Variants in TTYH3 observed in about 807,000 individuals in gnomAD.
TTYH3 encodes tweety family member 3.
Under a neutral mutation model 68.2 loss-of-function variants are expected in TTYH3, and 23 were observed. The observed-to-expected ratio is 0.34, with a 90% confidence interval of 0.24 to 0.48. The LOEUF (loss-of-function observed/expected upper bound fraction) is 0.48. TTYH3 is among the 20% of genes least tolerant of loss of function. The pLI is 0.99. For missense variants in TTYH3, 768 were observed against 727.7 expected, an observed-to-expected ratio of 1.06 and a Z score of -0.64; for synonymous variants, 360 against 332.8, an observed-to-expected ratio of 1.08 and a Z score of -0.89.
rs11546977 is a variant in TTYH3 at position 2,662,648 on chromosome 7, C to T, written c.*909C>T. On this transcript the variant is annotated 3_prime_UTR_variant, in exon 14 of 14. Coordinates refer to ENST00000258796, the MANE Select transcript of TTYH3 (RefSeq NM_025250.3). ...TTTCCATCCATGACAGGTACAGCAT[C>T]CCAGGAGCCCGGCCTGAGGGGCTGG... 0.16 allele frequency: 23,779 copies of T among 152,764 alleles called. 1,923 individuals are homozygous for T. Among genetic ancestry groups the T allele is most frequent in the Middle Eastern group, 0.22 (65 of 294 alleles). The allele number at this position is 152,764 out of a possible 1,614,324, so 9.5% of individuals were successfully genotyped here. A position where few individuals can be genotyped will look rare whatever the true frequency, so the allele number is the denominator to read the frequency against.
At position 2,652,224 on chromosome 7, in the gene TTYH3, C is replaced by T. The variant is rs372223899; in HGVS notation, c.909C>T (p.Ala303=). 32 of 1,612,752 alleles carry T rather than the reference C, an allele frequency of 2.0e-5. No homozygotes were observed. Among genetic ancestry groups the T allele is most frequent in the Middle Eastern group, 1.7e-4 (1 of 5,996 alleles). Residue 303 remains alanine (A), a synonymous_variant, in exon 8 of 14, where the codon GCC becomes GCT. Coordinates refer to ENST00000258796, the MANE Select transcript of TTYH3 (RefSeq NM_025250.3). ...LQYYLACSPR[A]ANPFQQKLSG... is the part of the protein sequence containing the mutation. The stretch of plus-strand genomic sequence containing the variant: ...ACTACCTGGCCTGCTCGCCCCGCGC[C>T]GCCAACCCCTTCCAGCAGGTGAGAG...
chr7:2,645,596 G>A lies in TTYH3; in HGVS notation c.124-1257G>A. The A allele has an allele frequency of 2.8e-6, 1 of 356,086 alleles. No individual in the cohort carries two copies. 22.1% of individuals were successfully genotyped at this position (356,086 alleles called of 1,614,324 possible). A position where few individuals can be genotyped will look rare whatever the true frequency, so the allele number is the denominator to read the frequency against. The stretch of plus-strand genomic sequence containing the variant: ...GCCGTGCTTGGAGCCAGACAGGGCT[G>A]TGTGTCCGATGGGGCGCCTGTATGC... On this transcript the variant is annotated intron_variant, in intron 1 of 13. Coordinates refer to ENST00000258796, the MANE Select transcript of TTYH3 (RefSeq NM_025250.3). This position sits in a 1 kb window ranked among gnomAD's most constrained non-coding sequence, Gnocchi z 4.8.
intron 1 of TTYH3, among the ~76,000 whole-genome samples, chr7:2,633,355 C>T (rs1419464443): frequency 1.3e-5 from 2 of 152,204 alleles, no homozygotes; most frequent in African/African-American, 2.4e-5. Context: ...TGTGGCCTCC[C>T]GCATCCAGAG....
chr7:2,652,493 T>C (rs1240861321), intron 8 of TTYH3, among the ~76,000 whole-genome samples: 1 of 152,210 alleles, frequency 6.6e-6, no homozygotes, highest in Non-Finnish European at 1.5e-5. Context: ...GGACTGCTTT[T>C]GCTCCTTGGA....
chr7:2,641,149 C>T (rs1033598985), intron 1 of TTYH3, among the ~76,000 whole-genome samples: 6 of 152,180 alleles, frequency 3.9e-5, no homozygotes, highest in Non-Finnish European at 8.8e-5. Flanking sequence ...CCCAGGCATC[C>T]CTGCCAGGCC....
chr7:2,652,144 G>A, intron 7 of TTYH3, 43 bp from the exon 8 acceptor site: 1 of 1,584,878 alleles, frequency 6.3e-7, no homozygotes. Context: ...AGTCTCACAG[G>A]GACAGCTGTT....
chr7:2,648,911 G>A (rs1430514802), intron 5 of TTYH3, among the ~76,000 whole-genome samples: 1 of 150,180 alleles, frequency 6.7e-6, no homozygotes, highest in Non-Finnish European at 1.5e-5. Flanking sequence ...GGCCTGCAGT[G>A]GGGTGTGGGG....
chr7:2,659,053 C>A, intron 13 of TTYH3, 38 bp downstream of exon 13: 1 of 1,597,024 alleles, frequency 6.3e-7, no homozygotes, highest in Non-Finnish European at 8.6e-7. Flanking sequence ...GGGGGCTGCT[C>A]AGCCTTGGGG....
chr7:2,648,336 C>T (rs1786058932), intron 5 of TTYH3: 1 of 396,126 alleles, frequency 2.5e-6, no homozygotes, highest in Non-Finnish European at 4.5e-6. Flanking sequence ...GCAACCTGCC[C>T]AGGTCTCCGA....
chr7:2,634,998 G>A lies in TTYH3; in HGVS notation c.123+2720G>A, dbSNP rs192058689. Among the ~76,000 whole-genome samples the A allele has an allele frequency of 2.6e-5, 4 of 152,252 alleles. No individual in the cohort carries two copies. The East Asian group carries it at 7.7e-4, about 29-fold the overall frequency. The stretch of plus-strand genomic sequence containing the variant: ...TGAGGGAGCTGTGAGAGGGCAGGGG[G>A]TGGAGGGGCATCTGGGGTCGGCTCT... On this transcript the variant is annotated intron_variant, in intron 1 of 13. Coordinates refer to ENST00000258796, the MANE Select transcript of TTYH3 (RefSeq NM_025250.3).
chr7:2,640,922 G>A lies in TTYH3; in HGVS notation c.124-5931G>A, dbSNP rs886400428. On this transcript the variant is annotated intron_variant, in intron 1 of 13. Transcript: ENST00000258796. ...TCGCCTTACAAGTGCGGAGCCAGCC[G>A]AGGTTCACACAGAGCAAAGGCTGCA... is the stretch of plus-strand genomic sequence containing the variant. Among the ~76,000 whole-genome samples, 7 of 152,246 alleles carry A rather than the reference G, an allele frequency of 4.6e-5. No individual in the cohort carries two copies. In the South Asian group the frequency reaches 6.2e-4, roughly 13 times the overall value.
intron 1 of TTYH3, among the ~76,000 whole-genome samples, chr7:2,643,179 C>A (rs1400511649): frequency 2.0e-5 from 3 of 149,122 alleles, no homozygotes; most frequent in Non-Finnish European, 3.0e-5. Context: ...CACAGTGAAA[C>A]CCTGTCTCTA....
In TTYH3 at chr7:2,662,155, C is replaced by T. The variant is rs115868877; in HGVS notation, c.*416C>T. On this transcript the variant is annotated 3_prime_UTR_variant, in exon 14 of 14. Transcript: ENST00000258796. ...CTTAGTTCACAGGCACGGCTGGGGCCGCTCTGTGCTGGCGCCTGCTGGCCA... is the reference window on the plus strand; with the variant it reads ...CTTAGTTCACAGGCACGGCTGGGGCTGCTCTGTGCTGGCGCCTGCTGGCCA... The T allele has an allele frequency of 0.019, 6,922 of 359,758 alleles. 146 individuals carry two copies. The highest frequency in any genetic ancestry group is 0.07 in the African/African-American group (3,249 of 46,526). 22.3% of individuals were successfully genotyped at this position (359,758 alleles called of 1,614,324 possible). A position where few individuals can be genotyped will look rare whatever the true frequency, so the allele number is the denominator to read the frequency against.
intron 6 of TTYH3, 41 bp from the exon 7 acceptor site, chr7:2,649,872 C>G: frequency 6.2e-7 from 1 of 1,610,478 alleles, no homozygotes; most frequent in Non-Finnish European, 8.5e-7. Flanking sequence ...CCTTTAGGCC[C>G]AGCTTGGTCA....
rs1786532131 is a variant in TTYH3, at chr7:2,662,935, C to T, written c.*1196C>T. Reference sequence around the variant, plus strand: ...CACCCCTCCCCAGGCAGGTGCTGCCCCAGGAGGACTGTCCTCGGGAATGAA... The same window carrying T: ...CACCCCTCCCCAGGCAGGTGCTGCCTCAGGAGGACTGTCCTCGGGAATGAA... On this transcript the variant is annotated 3_prime_UTR_variant, in exon 14 of 14. Coordinates refer to ENST00000258796, the MANE Select transcript of TTYH3 (RefSeq NM_025250.3). 6.6e-6 allele frequency: 1 copy of T among 152,284 alleles called. No individual in the cohort carries two copies. The highest frequency in any genetic ancestry group is 1.5e-5 in the Non-Finnish European group (1 of 68,082). 9.4% of individuals were successfully genotyped at this position (152,284 alleles called of 1,614,324 possible).
chr7:2,660,550 G>T, intron 13 of TTYH3: 1 of 984,920 alleles, frequency 1.0e-6, no homozygotes, highest in Non-Finnish European at 1.2e-6. Flanking sequence ...GCCCCGTCCC[G>T]TCCAGTCCCG....
chr7:2,652,183 G>T lies in TTYH3; in HGVS notation c.872-4G>T. The T allele has an allele frequency of 6.2e-7, 1 of 1,613,118 alleles. No individual in the cohort carries two copies. The highest frequency in any genetic ancestry group is 8.5e-7 in the Non-Finnish European group (1 of 1,179,816). Reference sequence around the variant, plus strand: ...GCTCAGCCTTCCCTGATGTCTCTCCGCAGACATCCTGCAGTACTACCTGGC... The same window carrying T: ...GCTCAGCCTTCCCTGATGTCTCTCCTCAGACATCCTGCAGTACTACCTGGC... On this transcript the variant is annotated splice_polypyrimidine_tract_variant and splice_region_variant and intron_variant, in intron 7 of 13. Coordinates refer to ENST00000258796, the MANE Select transcript of TTYH3 (RefSeq NM_025250.3).
At position 2,649,987 on chromosome 7, in the gene TTYH3, G is replaced by A. The variant is rs770032588; in HGVS notation, c.870G>A (p.Gly290=). 6 of 1,613,866 alleles carry A rather than the reference G, an allele frequency of 3.7e-6. No homozygotes were observed. The Admixed American group carries it at 8.3e-5, about 22-fold the overall frequency. Residue 290 remains glycine (G), a splice_region_variant and synonymous_variant, in exon 7 of 14, where the codon GGG becomes GGA. Transcript: ENST00000258796. ...KMVEEYSVLS[G]DILQYYLACS... is the part of the protein sequence containing the mutation. ...TGGAGGAGTACTCGGTGCTGAGTGG[G>A]GGTGAGTCTGTGTCCACGGCCGTGT...
Position 2,648,875 on chromosome 7 carries a change from T to G in TTYH3, c.723-692T>G, listed in dbSNP as rs1339069930. On this transcript the variant is annotated intron_variant, in intron 5 of 13. Transcript: ENST00000258796. ...AGGAAGGATGACAGTGTGCAGTGGG[T>G]TGTGGGGTCCTCAGTGGGGTGTGCA... Among the ~76,000 whole-genome samples the G allele has an allele frequency of 5.6e-4, 38 of 68,428 alleles. 1 individual carries two copies. In the East Asian group the frequency reaches 0.015, roughly 27 times the overall value. The allele number at this position is 68,428 out of a possible 152,430, so 44.9% of individuals were successfully genotyped here.
Sources: allele counts gnomAD v4.1 joint callset (sites outside exome capture counted in the v4.1 genomes callset), GRCh38; gene constraint gnomAD v4.1.1; non-coding constraint Gnocchi (gnomAD v3.1); transcripts MANE v1.5; gene names NCBI Gene and HGNC (gene_info 2026-07-23, HGNC 2026-07-21).